Variants in GULP1 observed in about 807,000 individuals in gnomAD.
The protein encoded by GULP1 is PTB domain-containing engulfment adapter protein 1.
GULP1 carries 19 observed loss-of-function variants against 40.9 expected under a neutral mutation model. That is an observed-to-expected ratio of 0.46 (90% confidence interval 0.32 to 0.68). The LOEUF is 0.68. Ranked by LOEUF, GULP1 falls within the 30% of genes least tolerant of loss-of-function variation. The probability of loss-of-function intolerance (pLI) is 0.03; values close to 1 mark genes in which losing one functional copy is unlikely to be tolerated. For missense variants in GULP1, 312 were observed against 362.2 expected, an observed-to-expected ratio of 0.86 and a Z score of 1.12; for synonymous variants, 119 against 117.6, an observed-to-expected ratio of 1.01 and a Z score of -0.08.
At chr2:188,452,559 A>G (rs2058916171) in intron 2 of GULP1, among the ~76,000 whole-genome samples, 1 of 152,160 alleles carries the variant, frequency 6.6e-6, no homozygotes, top group South Asian at 2.1e-4. Context: ...ATAGAACTTT[A>G]TTCCTGTATT....
chr2:188,494,487 A>C (rs1247821510), intron 4 of GULP1, among the ~76,000 whole-genome samples: 2 of 151,950 alleles, frequency 1.3e-5, no homozygotes. Context: ...CAATTGGTAA[A>C]TGCTGACTCT....
intron 1 of GULP1, among the ~76,000 whole-genome samples, chr2:188,375,875 C>T (rs1288825761): frequency 6.6e-6 from 1 of 152,094 alleles, no homozygotes; most frequent in Non-Finnish European, 1.5e-5. Context: ...GATATGTTCA[C>T]TCCCCTGTAT....
chr2:188,438,395 A>C (rs193035961), intron 2 of GULP1, among the ~76,000 whole-genome samples: 36 of 150,836 alleles, frequency 2.4e-4, no homozygotes, highest in African/African-American at 7.5e-4. Context: ...ATTATGTATG[A>C]TACATTATAT....
At chr2:188,315,643 G>A (rs557555895) in intron 1 of GULP1, among the ~76,000 whole-genome samples, 6 of 152,130 alleles carry the variant, frequency 3.9e-5, no homozygotes, top group East Asian at 3.9e-4. Flanking sequence ...CAGGAGACAC[G>A]TTCCAAGATC....
intron 2 of GULP1, among the ~76,000 whole-genome samples, chr2:188,457,332 G>T (rs575824057): frequency 1.0e-3 from 154 of 152,266 alleles, no homozygotes; most frequent in African/African-American, 3.6e-3. Flanking sequence ...CCCACATGTT[G>T]TGGGAAGAAC....
At chr2:188,569,459 C>T in intron 8 of GULP1, 104 bp downstream of exon 8, 1 of 759,768 alleles carries the variant, frequency 1.3e-6, no homozygotes, top group Non-Finnish European at 2.4e-6. Context: ...ATTTCACCCA[C>T]ACTGACTGAT....
rs1417955303 is a variant in GULP1, at chr2:188,565,187, A to G, written c.400-4052A>G. ...CCCAAAAGCACTACACATGAACAAA[A>G]AAAGGATACAATGGACTTTATCAAA... On this transcript the variant is annotated intron_variant, in intron 7 of 11. Transcript: ENST00000409830. Among the ~76,000 whole-genome samples, 7 of 152,014 alleles carry G rather than the reference A, an allele frequency of 4.6e-5. No homozygotes were observed. The South Asian group carries it at 1.4e-3, about 31-fold the overall frequency.
At chr2:188,440,123 A>G (rs1481269871) in intron 2 of GULP1, among the ~76,000 whole-genome samples, 1 of 152,194 alleles carries the variant, frequency 6.6e-6, no homozygotes, top group Admixed American at 6.5e-5. Context: ...TTGGGCCACA[A>G]ATGTGGTTCT....
At chr2:188,471,849 A>G (rs1466071895) in intron 2 of GULP1, among the ~76,000 whole-genome samples, 1 of 152,150 alleles carries the variant, frequency 6.6e-6, no homozygotes, top group East Asian at 1.9e-4. Context: ...CTGTGTTCTT[A>G]CCATTACCTG....
At chr2:188,468,134 T>A (rs1196700084) in intron 2 of GULP1, among the ~76,000 whole-genome samples, 3 of 152,176 alleles carry the variant, frequency 2.0e-5, no homozygotes. Flanking sequence ...ATATATTATT[T>A]TAACAGATTT....
chr2:188,414,147 G>T (rs1031367875), intron 2 of GULP1, among the ~76,000 whole-genome samples: 45 of 149,868 alleles, frequency 3.0e-4, no homozygotes, highest in Non-Finnish European at 5.0e-4. Flanking sequence ...AACCTGGGAG[G>T]CAGAGGTAGC....
At chr2:188,406,812 A>G (rs1312373200) in intron 2 of GULP1, among the ~76,000 whole-genome samples, 1 of 152,098 alleles carries the variant, frequency 6.6e-6, no homozygotes, top group Non-Finnish European at 1.5e-5. Flanking sequence ...GAATAAGAGA[A>G]CATTTAAAGA....
intron 10 of GULP1, among the ~76,000 whole-genome samples, chr2:188,586,333 T>C (rs1702362977): frequency 6.6e-6 from 1 of 152,224 alleles, no homozygotes; most frequent in Non-Finnish European, 1.5e-5. Flanking sequence ...CAACGGGACA[T>C]GTTTGAAGCA....
At chr2:188,503,896 T>C (rs2063670999) in intron 4 of GULP1, among the ~76,000 whole-genome samples, 1 of 151,954 alleles carries the variant, frequency 6.6e-6, no homozygotes, top group Non-Finnish European at 1.5e-5. Context: ...ACATATACAT[T>C]AAAATTAATT....
At chr2:188,310,892 A>T (rs2037975571) in intron 1 of GULP1, among the ~76,000 whole-genome samples, 3 of 152,232 alleles carry the variant, frequency 2.0e-5, no homozygotes, top group African/African-American at 7.2e-5. Flanking sequence ...AGAGATAGAA[A>T]AGAAAGGACT....
At chr2:188,364,814 C>A (rs1436978669) in intron 1 of GULP1, among the ~76,000 whole-genome samples, 1 of 149,138 alleles carries the variant, frequency 6.7e-6, no homozygotes, top group Non-Finnish European at 1.5e-5. Context: ...TACATAAATA[C>A]ACATATATAC....
At chr2:188,378,007 A>G (rs962525757) in intron 1 of GULP1, among the ~76,000 whole-genome samples, 3 of 152,246 alleles carry the variant, frequency 2.0e-5, no homozygotes, top group South Asian at 2.1e-4. Flanking sequence ...CCTTGTCTCA[A>G]TAGTCAGATG....
intron 2 of GULP1, among the ~76,000 whole-genome samples, chr2:188,424,321 A>G (rs921968981): frequency 2.0e-5 from 3 of 151,898 alleles, no homozygotes; most frequent in Admixed American, 2.0e-4. Context: ...TTTAATTTGT[A>G]TTATAAAAAG....
intron 7 of GULP1, among the ~76,000 whole-genome samples, chr2:188,545,464 A>G (rs1263922727): frequency 6.6e-6 from 1 of 151,948 alleles, no homozygotes; most frequent in African/African-American, 2.4e-5. Flanking sequence ...AAGAGGATGT[A>G]AAAAGGGAGG....
Sources: gnomAD v4.1 joint callset for allele counts (sites outside exome capture counted in the v4.1 genomes callset) on GRCh38, gnomAD v4.1.1 for gene constraint, MANE v1.5 for transcripts, NCBI Gene and HGNC (gene_info 2026-07-23, HGNC 2026-07-21) for gene names.